The following PPP1R9A variants were observed in gnomAD, a reference collection of about 807,000 sequenced individuals.
PPP1R9A encodes protein phosphatase 1 regulatory subunit 9A, also known as neurabin-1.
In PPP1R9A, 59 loss-of-function variants were observed where a neutral mutation model predicts 141.9. The observed-to-expected ratio is 0.42, with a 90% CI of 0.34 to 0.52. The LOEUF (loss-of-function observed/expected upper bound fraction) is 0.52. Ranked by LOEUF, PPP1R9A falls within the 20% of genes least tolerant of loss-of-function variation. PPP1R9A has a pLI of 0.10. For synonymous variants in PPP1R9A, 500 were observed against 569.7 expected (o/e 0.88, Z 1.74); for missense variants, 1,444 against 1,611.9 (o/e 0.90, Z 1.78).
intron 16 of PPP1R9A, among the ~76,000 whole-genome samples, chr7:95,279,301 C>T (rs924348049): frequency 1.3e-5 from 2 of 152,132 alleles, no homozygotes; most frequent in African/African-American, 4.8e-5. Context: ...GAGCAAAACC[C>T]CTGCTTAAGA....
chr7:95,276,880 T>G (rs896830183), intron 16 of PPP1R9A, among the ~76,000 whole-genome samples: 6 of 152,294 alleles, frequency 3.9e-5, no homozygotes, highest in South Asian at 4.1e-4. Flanking sequence ...CTGTATAGAT[T>G]GATAATGGGT....
At chr7:95,004,071 G>A (rs1397919018) in intron 2 of PPP1R9A, among the ~76,000 whole-genome samples, 1 of 152,020 alleles carries the variant, frequency 6.6e-6, no homozygotes, top group Non-Finnish European at 1.5e-5. Context: ...AGAAGGGAAT[G>A]ATAGATTGTT....
At chr7:95,081,149 T>A (rs1815764737) in intron 2 of PPP1R9A, among the ~76,000 whole-genome samples, 1 of 151,476 alleles carries the variant, frequency 6.6e-6, no homozygotes. Flanking sequence ...TTTAACCACA[T>A]CCCAGAAAAA....
chr7:95,268,659 G>C lies in PPP1R9A; in HGVS notation c.2775G>C (p.Leu925=). 1 of 1,613,334 alleles carries C rather than the reference G, an allele frequency of 6.2e-7. No individual in the cohort carries two copies. Among genetic ancestry groups the C allele is most frequent in the Non-Finnish European group, 8.5e-7 (1 of 1,179,442 alleles). The part of the protein sequence containing the change: ...NRRQRPSRTR[L]YDSVSSTDGE... ...GCCAGAGACCCTCTAGGACAAGACT[G>C]TATGATAGTGTTAGTTCCACAGATG... The change falls in exon 13 of 20, where the codon CTG becomes CTC. Residue 925 remains leucine, a synonymous_variant. Coordinates refer to ENST00000433360, the MANE Select transcript of PPP1R9A (RefSeq NM_001166160.2).
intron 4 of PPP1R9A, among the ~76,000 whole-genome samples, chr7:95,160,861 C>CT (rs1041984326): frequency 6.6e-6 from 1 of 152,158 alleles, no homozygotes. Context: ...TGATTTCATT[C>CT]TTTTTTATGG....
intron 4 of PPP1R9A, among the ~76,000 whole-genome samples, chr7:95,122,148 T>G (rs1337525657): frequency 1.5e-5 from 2 of 135,030 alleles, no homozygotes; most frequent in African/African-American, 5.9e-5. Context: ...AGAGCACCAT[T>G]TTTTTTTTTT....
At chr7:95,113,406 T>G (rs1820919630) in intron 3 of PPP1R9A, among the ~76,000 whole-genome samples, 1 of 152,152 alleles carries the variant, frequency 6.6e-6, no homozygotes, top group African/African-American at 2.4e-5. Flanking sequence ...TAGGAAGAAC[T>G]TATCCATTTA....
chr7:94,976,817 G>C (rs1799502786), intron 2 of PPP1R9A, among the ~76,000 whole-genome samples: 1 of 152,072 alleles, frequency 6.6e-6, no homozygotes, highest in South Asian at 2.1e-4. Context: ...TATTTATTGA[G>C]TATCTGCTTG....
intron 12 of PPP1R9A, among the ~76,000 whole-genome samples, chr7:95,263,134 A>G (rs758505815): frequency 1.3e-5 from 2 of 152,184 alleles, no homozygotes; most frequent in African/African-American, 2.4e-5. Context: ...TTATATCAAC[A>G]TGTGGAGATA....
chr7:95,120,418 C>G (rs1822357986), intron 3 of PPP1R9A, among the ~76,000 whole-genome samples: 1 of 152,162 alleles, frequency 6.6e-6, no homozygotes, highest in Non-Finnish European at 1.5e-5. Flanking sequence ...TTTAGAGAAT[C>G]TAGGTTTTAA....
chr7:94,992,253 T>C (rs1801605624), intron 2 of PPP1R9A, among the ~76,000 whole-genome samples: 1 of 152,176 alleles, frequency 6.6e-6, no homozygotes. Flanking sequence ...TATGTACTCT[T>C]TTTTAAATCC....
chr7:95,036,508 A>G (rs867115807), intron 2 of PPP1R9A: 1 of 152,158 alleles, frequency 6.6e-6, no homozygotes. Context: ...GGTTGCTGCA[A>G]CTGTGTGTTA....
At chr7:95,275,566 A>G (rs976066719) in intron 16 of PPP1R9A, among the ~76,000 whole-genome samples, 5 of 151,784 alleles carry the variant, frequency 3.3e-5, no homozygotes, top group African/African-American at 1.2e-4. Flanking sequence ...TTTTTCCAAC[A>G]TACTATGCCA....
chr7:95,041,164 A>G (rs1809173535), intron 2 of PPP1R9A, among the ~76,000 whole-genome samples: 1 of 152,206 alleles, frequency 6.6e-6, no homozygotes, highest in Non-Finnish European at 1.5e-5. Flanking sequence ...GACTAAGGTC[A>G]TCTTAGTAGT....
chr7:95,082,208 A>C (rs1420233019), intron 2 of PPP1R9A, among the ~76,000 whole-genome samples: 1 of 152,184 alleles, frequency 6.6e-6, no homozygotes, highest in Non-Finnish European at 1.5e-5. Context: ...AAAACGAAAA[A>C]TAGGGCTAAC....
rs966438658 is a variant in PPP1R9A, at chr7:95,294,825, G to C, written c.*4522G>C. On this transcript the variant is annotated 3_prime_UTR_variant, in exon 20 of 20. Transcript: ENST00000433360. ...GTAGACAGAGGGTCCTTATTTGCTT[G>C]TCCGTGGTGTCTATGTGGGCCTATT... 6.6e-6 allele frequency: 1 copy of C among 152,214 alleles called. No homozygotes were observed. The highest frequency in any genetic ancestry group is 2.4e-5 in the African/African-American group (1 of 41,444). 9.4% of individuals were successfully genotyped at this position (152,214 alleles called of 1,614,324 possible).
At chr7:95,167,891 AT>A (rs1366489117) in intron 5 of PPP1R9A, among the ~76,000 whole-genome samples, 1 of 152,192 alleles carries the variant, frequency 6.6e-6, no homozygotes. Context: ...GATGAAAAAA[AT>A]TGAAGAGGAC....
intron 4 of PPP1R9A, among the ~76,000 whole-genome samples, chr7:95,159,348 A>G (rs1037132771): frequency 3.3e-5 from 5 of 152,162 alleles, no homozygotes; most frequent in Admixed American, 2.0e-4. Context: ...AATTATGCCT[A>G]TTCATGCATA....
At chr7:95,079,905 A>G (rs1411124904) in intron 2 of PPP1R9A, among the ~76,000 whole-genome samples, 1 of 152,022 alleles carries the variant, frequency 6.6e-6, no homozygotes, top group East Asian at 1.9e-4. Flanking sequence ...CATGCTAAAA[A>G]CTCAATAAAT....
Sources: allele counts gnomAD v4.1 joint callset (sites outside exome capture counted in the v4.1 genomes callset), GRCh38; gene constraint gnomAD v4.1.1; transcripts MANE v1.5; gene names NCBI Gene and HGNC (gene_info 2026-07-23, HGNC 2026-07-21).